The following NDST3 variants were observed in gnomAD, a reference collection of about 807,000 sequenced individuals.
NDST3 encodes the protein N-deacetylase and N-sulfotransferase 3, also known as bifunctional heparan sulfate N-deacetylase/N-sulfotransferase 3.
In NDST3, 58 loss-of-function variants were observed where a neutral mutation model predicts 96.1. The ratio of observed to expected loss-of-function variants is 0.60; its 90% CI spans 0.49 to 0.75. The LOEUF is 0.75. Among genes scored for constraint, NDST3 ranks in the 30% least tolerant of loss-of-function variants. The pLI is 0.00. For missense variants in NDST3, 788 were observed against 1,034.2 expected, an observed-to-expected ratio of 0.76 and a Z score of 3.27; for synonymous variants, 333 against 359.7, an observed-to-expected ratio of 0.93 and a Z score of 0.84.
chr4:118,125,832 A>G (rs1732006540), intron 4 of NDST3, among the ~76,000 whole-genome samples: 1 of 152,080 alleles, frequency 6.6e-6, no homozygotes, highest in South Asian at 2.1e-4. Context: ...TATCACAGGA[A>G]CATAGTCTAA....
At chr4:118,047,597 T>C (rs1199272364) in intron 1 of NDST3, among the ~76,000 whole-genome samples, 2 of 152,186 alleles carry the variant, frequency 1.3e-5, no homozygotes, top group Non-Finnish European at 2.9e-5. Flanking sequence ...AAGAATTTCA[T>C]AATACAATTA....
chr4:118,242,089 T>C lies in NDST3; in HGVS notation c.2339T>C (p.Met780Thr). ...CTAAGAACTGATCCTGCTACAGTGA[T>C]GGATGAAGTACAGAAGTTTCTAGGA... is the stretch of plus-strand genomic sequence containing the variant. Reference protein sequence around the residue: ...QQLRTDPATVMDEVQKFLGVL... With the variant: ...QQLRTDPATVTDEVQKFLGVL... Residue 780 changes from methionine to threonine, a missense_variant, in exon 12 of 14, where the codon ATG becomes ACG. Around this residue, in one of 3 missense-constraint regions of NDST3, gnomAD observed 490 missense variants for 708.8 expected, o/e 0.69. Coordinates refer to ENST00000296499, the MANE Select transcript of NDST3 (RefSeq NM_004784.3). The C allele has an allele frequency of 1.2e-6, 2 of 1,613,408 alleles. No homozygotes were observed. Among genetic ancestry groups the C allele is most frequent in the Non-Finnish European group, 1.7e-6 (2 of 1,179,492 alleles).
chr4:118,108,396 T>A (rs1029053775), intron 3 of NDST3, among the ~76,000 whole-genome samples: 8 of 152,340 alleles, frequency 5.3e-5, no homozygotes, highest in Admixed American at 2.0e-4. Flanking sequence ...TAAAGTGATA[T>A]CATATTTAAG....
chr4:118,112,779 C>T (rs1040326346), intron 3 of NDST3, among the ~76,000 whole-genome samples: 7 of 152,276 alleles, frequency 4.6e-5, no homozygotes, highest in Middle Eastern at 6.8e-3. Context: ...AGTTTCTAAA[C>T]CCCTGAATCC....
chr4:118,156,566 T>G (rs774122661), intron 6 of NDST3, among the ~76,000 whole-genome samples: 5 of 152,176 alleles, frequency 3.3e-5, no homozygotes, highest in Non-Finnish European at 5.9e-5. Context: ...TCTTTGGAAT[T>G]TGAAAGAAAT....
chr4:118,048,801 A>G (rs540557600), intron 1 of NDST3, among the ~76,000 whole-genome samples: 3 of 152,244 alleles, frequency 2.0e-5, no homozygotes, highest in East Asian at 1.9e-4. Flanking sequence ...CACCCCACTC[A>G]CAATGTTAGA....
chr4:118,160,189 G>A (rs1734997569), intron 6 of NDST3, among the ~76,000 whole-genome samples: 1 of 152,068 alleles, frequency 6.6e-6, no homozygotes, highest in South Asian at 2.1e-4. Context: ...ATAAAAGGGA[G>A]CCTCCATAAC....
At chr4:118,210,267 T>C (rs1241432816) in intron 6 of NDST3, among the ~76,000 whole-genome samples, 1 of 152,080 alleles carries the variant, frequency 6.6e-6, no homozygotes, top group Non-Finnish European at 1.5e-5. Flanking sequence ...TTAAGAGGTG[T>C]TTCCTGCAGG....
intron 2 of NDST3, among the ~76,000 whole-genome samples, chr4:118,071,119 T>G (rs1274438070): frequency 6.6e-6 from 1 of 152,144 alleles, no homozygotes; most frequent in African/African-American, 2.4e-5. Flanking sequence ...TAATCCAGTC[T>G]ATCATTGATG....
intron 6 of NDST3, among the ~76,000 whole-genome samples, chr4:118,170,757 T>C (rs530096994): frequency 6.6e-6 from 1 of 152,216 alleles, no homozygotes; most frequent in African/African-American, 2.4e-5. Context: ...AAAATAAGTG[T>C]GGTGAACTGT....
At chr4:118,065,472 CT>C (rs1405111873) in intron 2 of NDST3, among the ~76,000 whole-genome samples, 2 of 151,984 alleles carry the variant, frequency 1.3e-5, no homozygotes, top group African/African-American at 4.8e-5. Flanking sequence ...CCAAAGATTG[CT>C]TGGTTGGAGC....
chr4:118,200,772 C>A (rs1738023565), intron 6 of NDST3, among the ~76,000 whole-genome samples: 1 of 151,872 alleles, frequency 6.6e-6, no homozygotes, highest in African/African-American at 2.4e-5. Flanking sequence ...TGGAAAGCTT[C>A]ATTTTCTTTT....
intron 6 of NDST3, among the ~76,000 whole-genome samples, chr4:118,160,898 T>C (rs1003682243): frequency 1.3e-5 from 2 of 152,268 alleles, no homozygotes; most frequent in Admixed American, 1.3e-4. Flanking sequence ...TCCAGCTTTG[T>C]TCCATTGCTG....
At chr4:118,157,275 T>G (rs992832575) in intron 6 of NDST3, among the ~76,000 whole-genome samples, 1 of 151,928 alleles carries the variant, frequency 6.6e-6, no homozygotes, top group Non-Finnish European at 1.5e-5. Flanking sequence ...AAAAGTGTTT[T>G]GTTAATTATT....
chr4:118,231,915 T>C (rs1179069168), intron 8 of NDST3, among the ~76,000 whole-genome samples: 1 of 152,174 alleles, frequency 6.6e-6, no homozygotes, highest in Non-Finnish European at 1.5e-5. Flanking sequence ...GTTTATGACA[T>C]TGCTCACTTT....
chr4:118,204,176 T>A (rs1738283034), intron 6 of NDST3, among the ~76,000 whole-genome samples: 1 of 152,150 alleles, frequency 6.6e-6, no homozygotes, highest in Non-Finnish European at 1.5e-5. Context: ...CCCCAGTTGC[T>A]GTGAAAGAGC....
chr4:118,039,245 C>T (rs1724312415), intron 1 of NDST3, among the ~76,000 whole-genome samples: 1 of 152,128 alleles, frequency 6.6e-6, no homozygotes, highest in African/African-American at 2.4e-5. Flanking sequence ...TGATTTATGG[C>T]TCTGATCAAG....
intron 6 of NDST3, among the ~76,000 whole-genome samples, chr4:118,219,832 T>C (rs904941153): frequency 6.6e-6 from 1 of 151,738 alleles, no homozygotes; most frequent in Admixed American, 6.6e-5. Context: ...ACAAACATCA[T>C]CATCAAAAAA....
chr4:118,229,753 A>G (rs982497217), intron 8 of NDST3, among the ~76,000 whole-genome samples: 49 of 152,208 alleles, frequency 3.2e-4, no homozygotes, highest in Admixed American at 7.2e-4. Context: ...TTCTCACATT[A>G]TAATGGCAAT....
Sources: allele counts gnomAD v4.1 joint callset (sites outside exome capture counted in the v4.1 genomes callset), GRCh38; gene constraint gnomAD v4.1.1; regional missense constraint gnomAD v4.1.1; transcripts MANE v1.5; gene names NCBI Gene and HGNC (gene_info 2026-07-23, HGNC 2026-07-21).